The following PARD3B variants were observed in gnomAD, a reference collection of about 807,000 sequenced individuals.
The protein encoded by PARD3B is par-3 family cell polarity regulator beta.
PARD3B carries 103 observed loss-of-function variants against 130.2 expected under a neutral mutation model. The ratio of observed to expected loss-of-function variants is 0.79; its 90% CI spans 0.67 to 0.93. The LOEUF (loss-of-function observed/expected upper bound fraction) is 0.93, where lower values mean the gene tolerates loss of function less well. Ranked by LOEUF, PARD3B falls within the 40% of genes least tolerant of loss-of-function variation. The pLI, the probability that PARD3B is intolerant of heterozygous loss-of-function variation, is 0.00. For missense variants in PARD3B, 1,609 were observed against 1,499.2 expected (o/e 1.07, Z -1.21); for synonymous variants, 583 against 553.2 (o/e 1.05, Z -0.76).
intron 19 of PARD3B, among the ~76,000 whole-genome samples, chr2:205,432,008 A>C (rs572201178): frequency 2.0e-5 from 3 of 152,142 alleles, no homozygotes; most frequent in Non-Finnish European, 4.4e-5. Context: ...ATATATCACT[A>C]ATATTATTAT....
intron 2 of PARD3B, among the ~76,000 whole-genome samples, chr2:204,913,605 A>G (rs1367902331): frequency 6.6e-6 from 1 of 152,190 alleles, no homozygotes; most frequent in Non-Finnish European, 1.5e-5. Context: ...TTGATGTCAT[A>G]TCTTTGCAAA....
At chr2:204,879,672 T>A (rs2045966420) in intron 2 of PARD3B, among the ~76,000 whole-genome samples, 1 of 152,188 alleles carries the variant, frequency 6.6e-6, no homozygotes, top group Non-Finnish European at 1.5e-5. Flanking sequence ...AACTCCTGAT[T>A]GTTCTTAGGT....
At chr2:205,254,417 G>T (rs2125935521) in intron 16 of PARD3B, among the ~76,000 whole-genome samples, 1 of 152,168 alleles carries the variant, frequency 6.6e-6, no homozygotes, top group Admixed American at 6.5e-5. Flanking sequence ...ATCTGATAAA[G>T]TTATAATATT....
At chr2:205,424,624 G>A (rs2047080989) in intron 19 of PARD3B, among the ~76,000 whole-genome samples, 1 of 152,060 alleles carries the variant, frequency 6.6e-6, no homozygotes, top group Non-Finnish European at 1.5e-5. Flanking sequence ...GGAAAGAAAA[G>A]AAAGGTTTAA....
intron 1 of PARD3B, among the ~76,000 whole-genome samples, chr2:204,572,501 T>C (rs924099018): frequency 6.6e-6 from 1 of 152,214 alleles, no homozygotes; most frequent in Non-Finnish European, 1.5e-5. Context: ...TTGCTGTTCA[T>C]GATGATAAAT....
intron 2 of PARD3B, among the ~76,000 whole-genome samples, chr2:204,817,530 T>C (rs1369468086): frequency 6.6e-6 from 1 of 152,126 alleles, no homozygotes; most frequent in African/African-American, 2.4e-5. Flanking sequence ...GAAGAAGCAC[T>C]CCTCGGTCTT....
Position 205,176,699 on chromosome 2 carries a change from C to A in PARD3B, c.1924+122C>A. Reference sequence around the variant, plus strand: ...ATTAGACTAAGTGCAGACTTTGTTACTCGGAGTCACAAACACTGAGAGAGT... The same window carrying A: ...ATTAGACTAAGTGCAGACTTTGTTAATCGGAGTCACAAACACTGAGAGAGT... On this transcript the variant is annotated intron_variant, in intron 13 of 22. Transcript: ENST00000406610. The surrounding 1 kb of genome is among the most constrained non-coding windows in gnomAD (Gnocchi z 5.3). 1.8e-6 allele frequency: 2 copies of A among 1,103,862 alleles called. No individual in the cohort carries two copies. The highest frequency in any genetic ancestry group is 1.2e-6 in the Non-Finnish European group (1 of 811,328). The allele number at this position is 1,103,862 out of a possible 1,614,324, so 68.4% of individuals were successfully genotyped here.
intron 4 of PARD3B, among the ~76,000 whole-genome samples, chr2:205,083,031 T>G (rs1398509243): frequency 6.6e-6 from 1 of 151,696 alleles, no homozygotes; most frequent in Non-Finnish European, 1.5e-5. Flanking sequence ...GTGATTCTCC[T>G]GCCTCAGCCT....
chr2:204,891,426 T>C (rs2046441979), intron 2 of PARD3B, among the ~76,000 whole-genome samples: 1 of 152,204 alleles, frequency 6.6e-6, no homozygotes, highest in Non-Finnish European at 1.5e-5. Context: ...GTCTCTGTAT[T>C]GAAGACGGCA....
chr2:204,967,200 A>G lies in PARD3B; in HGVS notation c.394+1877A>G, dbSNP rs1691329641. On this transcript the variant is annotated intron_variant, in intron 3 of 22. Coordinates refer to ENST00000406610, the MANE Select transcript of PARD3B (RefSeq NM_001302769.2). This position sits in a 1 kb window ranked among gnomAD's most constrained non-coding sequence, Gnocchi z 4.4. ...CCAGATTAAATGATGAGACTAGCTC[A>G]CTGTTAGGTGGGAAACATTCCCTTC... is the stretch of plus-strand genomic sequence containing the variant. Among the ~76,000 whole-genome samples, 1 of 152,194 alleles carries G rather than the reference A, an allele frequency of 6.6e-6. No individual in the cohort carries two copies. The highest frequency in any genetic ancestry group is 2.1e-4 in the South Asian group (1 of 4,826).
Position 204,632,822 on chromosome 2 carries a change from C to T in PARD3B, c.121-53359C>T, listed in dbSNP as rs569475860. On this transcript the variant is annotated intron_variant, in intron 1 of 22. Transcript: ENST00000406610. ...TCACCCCACCCTGCTTTTCATTCTCCGTGGGTCAAGGTGTTTCTCTAATCA... is the reference window on the plus strand; with the variant it reads ...TCACCCCACCCTGCTTTTCATTCTCTGTGGGTCAAGGTGTTTCTCTAATCA... Among the ~76,000 whole-genome samples, 11 of 152,306 alleles carry T rather than the reference C, an allele frequency of 7.2e-5. 1 individual carries two copies. Among genetic ancestry groups the T allele is most frequent in the African/African-American group, 2.2e-4 (9 of 41,572 alleles).
chr2:204,579,535 G>A (rs531989305), intron 1 of PARD3B, among the ~76,000 whole-genome samples: 7 of 152,194 alleles, frequency 4.6e-5, no homozygotes, highest in Non-Finnish European at 7.3e-5. Context: ...ACTCAGTCTC[G>A]TAGGAATTCT....
At chr2:205,228,646 G>C (rs1324995224) in intron 15 of PARD3B, among the ~76,000 whole-genome samples, 1 of 152,092 alleles carries the variant, frequency 6.6e-6, no homozygotes, top group Non-Finnish European at 1.5e-5. Flanking sequence ...GAAATTATCT[G>C]TTACGATCCC....
At chr2:205,080,028 T>C (rs1701309215) in intron 4 of PARD3B, among the ~76,000 whole-genome samples, 1 of 152,182 alleles carries the variant, frequency 6.6e-6, no homozygotes, top group African/African-American at 2.4e-5. Context: ...TTTAAACTAG[T>C]ATTTTTATTA....
At chr2:205,524,542 G>A (rs548710287) in intron 21 of PARD3B, among the ~76,000 whole-genome samples, 13 of 152,256 alleles carry the variant, frequency 8.5e-5, no homozygotes, top group Admixed American at 4.6e-4. Context: ...CAGCCGTCTC[G>A]TCCTCTATTG....
intron 21 of PARD3B, among the ~76,000 whole-genome samples, chr2:205,506,110 G>A (rs2050353245): frequency 6.6e-6 from 1 of 152,114 alleles, no homozygotes; most frequent in African/African-American, 2.4e-5. Flanking sequence ...TGAGGAAGGT[G>A]GATCATGAGG....
chr2:204,986,637 T>A (rs555596774), intron 3 of PARD3B, among the ~76,000 whole-genome samples: 2 of 152,356 alleles, frequency 1.3e-5, no homozygotes, highest in Admixed American at 1.3e-4. Flanking sequence ...ATTTCACAGA[T>A]GAGGATTGTT....
At chr2:205,487,270 C>T (rs1015390706) in intron 20 of PARD3B, among the ~76,000 whole-genome samples, 4 of 152,178 alleles carry the variant, frequency 2.6e-5, no homozygotes, top group African/African-American at 4.8e-5. Context: ...AATGTTTTCT[C>T]CTTTTTTAAA....
intron 9 of PARD3B, among the ~76,000 whole-genome samples, chr2:205,124,935 A>C (rs1448028487): frequency 1.3e-5 from 2 of 152,346 alleles, no homozygotes; most frequent in East Asian, 3.9e-4. Context: ...GGGATTTTGC[A>C]GAGAGATATA....
Sources: allele counts gnomAD v4.1 joint callset (sites outside exome capture counted in the v4.1 genomes callset), GRCh38; gene constraint gnomAD v4.1.1; non-coding constraint Gnocchi (gnomAD v3.1); transcripts MANE v1.5; gene names NCBI Gene and HGNC (gene_info 2026-07-23, HGNC 2026-07-21).